The following AGPAT3 variants were observed in gnomAD, a reference collection of about 807,000 sequenced individuals.
AGPAT3 encodes 1-acylglycerol-3-phosphate O-acyltransferase 3, also known as 1-acyl-sn-glycerol-3-phosphate acyltransferase gamma.
Under a neutral mutation model 47.3 loss-of-function variants are expected in AGPAT3, and 5 were observed. The ratio of observed to expected loss-of-function variants is 0.11; its 90% CI spans 0.06 to 0.22. The LOEUF (loss-of-function observed/expected upper bound fraction) is 0.22. Ranked by LOEUF, AGPAT3 falls within the 10% of genes least tolerant of loss-of-function variation. AGPAT3 has a pLI of 1.00. For missense variants in AGPAT3, 315 were observed against 493.0 expected (o/e 0.64, Z 3.42); for synonymous variants, 212 against 208.3 (o/e 1.02, Z -0.15).
Position 43,981,477 on chromosome 21 carries a change from G to A in AGPAT3, c.1042+290G>A, listed in dbSNP as rs1238285978. 3 of 489,534 alleles carry A rather than the reference G, an allele frequency of 6.1e-6. No homozygotes were observed. The highest frequency in any genetic ancestry group is 7.5e-6 in the Non-Finnish European group (2 of 268,324). The allele number at this position is 489,534 out of a possible 1,614,324, so 30.3% of individuals were successfully genotyped here. Reference sequence around the variant, plus strand: ...TGCCGACGAGAGGGTCCCCGAGAGGGTCCCCAGCCCCCCTGTCTGCTTTTG... The same window carrying A: ...TGCCGACGAGAGGGTCCCCGAGAGGATCCCCAGCCCCCCTGTCTGCTTTTG... On this transcript the variant is annotated intron_variant, in intron 9 of 9. Transcript: ENST00000291572. This position sits in a 1 kb window ranked among gnomAD's most constrained non-coding sequence, Gnocchi z 5.3.
chr21:43,877,065 C>T (rs552464958), intron 1 of AGPAT3, among the ~76,000 whole-genome samples: 1 of 152,058 alleles, frequency 6.6e-6, no homozygotes, highest in African/African-American at 2.4e-5. Flanking sequence ...GACCATGTTA[C>T]CCAGGGTGGT....
At chr21:43,893,429 C>A (rs62228699) in intron 1 of AGPAT3, among the ~76,000 whole-genome samples, 1 of 152,140 alleles carries the variant, frequency 6.6e-6, no homozygotes, top group Non-Finnish European at 1.5e-5. Flanking sequence ...TCAGCAATAA[C>A]GCTGTTTCAT....
chr21:43,931,435 C>G (rs1355920078), intron 2 of AGPAT3, among the ~76,000 whole-genome samples: 1 of 152,198 alleles, frequency 6.6e-6, no homozygotes, highest in Non-Finnish European at 1.5e-5. Context: ...CGGTTCTTCT[C>G]TTTTAATATT....
chr21:43,902,703 G>A (rs57481535), intron 1 of AGPAT3, among the ~76,000 whole-genome samples: 16,170 of 152,240 alleles, frequency 0.11, 1,660 homozygotes, highest in African/African-American at 0.27. Flanking sequence ...GGAGGATTTC[G>A]ACGTATGAAT....
chr21:43,870,873 G>C (rs1424856302), intron 1 of AGPAT3, among the ~76,000 whole-genome samples: 2 of 152,306 alleles, frequency 1.3e-5, no homozygotes, highest in African/African-American at 4.8e-5. Flanking sequence ...GGCCTATGAA[G>C]GGGTGGCTGT....
chr21:43,966,715 C>G (rs1320258386), intron 3 of AGPAT3: 2 of 152,240 alleles, frequency 1.3e-5, no homozygotes, highest in African/African-American at 4.8e-5. Context: ...GAATTGGTCT[C>G]TAGTGTCCTT....
At chr21:43,918,076 T>G in intron 2 of AGPAT3, among the ~76,000 whole-genome samples, 1 of 140,932 alleles carries the variant, frequency 7.1e-6, no homozygotes, top group South Asian at 2.4e-4. Context: ...GTTGTGGGTG[T>G]TGTGGGTGTT....
chr21:43,896,130 C>T (rs148304599), intron 1 of AGPAT3, among the ~76,000 whole-genome samples: 2 of 152,222 alleles, frequency 1.3e-5, no homozygotes, highest in Non-Finnish European at 2.9e-5. Context: ...TCTTGAACTC[C>T]TGAGCTCAAG....
chr21:43,982,401 T>A lies in AGPAT3; in HGVS notation c.*9T>A. ...TTAAGAAAAAGGAATAATTAATGGC[T>A]GTGACTGAACACACGCGGCCCTGAC... is the stretch of plus-strand genomic sequence containing the variant. On this transcript the variant is annotated 3_prime_UTR_variant, in exon 10 of 10. Transcript: ENST00000291572. This position sits in a 1 kb window ranked among gnomAD's most constrained non-coding sequence, Gnocchi z 6.2. 1 of 1,605,860 alleles carries A rather than the reference T, an allele frequency of 6.2e-7. No homozygotes were observed. The highest frequency in any genetic ancestry group is 1.3e-5 in the African/African-American group (1 of 74,872).
chr21:43,921,192 G>C (rs748789296), intron 2 of AGPAT3, among the ~76,000 whole-genome samples: 1 of 152,204 alleles, frequency 6.6e-6, no homozygotes, highest in Non-Finnish European at 1.5e-5. Context: ...TTGAACCTGA[G>C]GGGGAGTCAT....
At chr21:43,935,231 G>A (rs921166065) in intron 2 of AGPAT3, among the ~76,000 whole-genome samples, 2 of 152,286 alleles carry the variant, frequency 1.3e-5, no homozygotes, top group East Asian at 1.9e-4. Context: ...ACACTGGGCC[G>A]TGTGGTGGCC....
intron 1 of AGPAT3, among the ~76,000 whole-genome samples, chr21:43,903,058 G>C (rs1342951939): frequency 2.0e-5 from 3 of 152,186 alleles, no homozygotes; most frequent in Non-Finnish European, 2.9e-5. Flanking sequence ...AGTGTCTGTA[G>C]TGGAATATTA....
At chr21:43,894,325 A>G (rs187326430) in intron 1 of AGPAT3, among the ~76,000 whole-genome samples, 1 of 148,820 alleles carries the variant, frequency 6.7e-6, no homozygotes, top group Non-Finnish European at 1.5e-5. Flanking sequence ...TAGCATGATC[A>G]TTTTTTTGGT....
intron 7 of AGPAT3, among the ~76,000 whole-genome samples, chr21:43,972,133 G>A (rs1297807985): frequency 6.7e-6 from 1 of 148,726 alleles, no homozygotes; most frequent in East Asian, 2.0e-4. Context: ...GAAGGGAAAG[G>A]AAGAGCCTGT....
intron 4 of AGPAT3, 63 bp downstream of exon 4, chr21:43,968,178 A>AGT: frequency 3.7e-6 from 4 of 1,076,400 alleles, no homozygotes; most frequent in Admixed American, 2.7e-5. Flanking sequence ...GCCGGGGGTG[A>AGT]GCGGGGACCC....
chr21:43,907,890 G>A (rs753285202), intron 2 of AGPAT3, among the ~76,000 whole-genome samples: 3 of 152,204 alleles, frequency 2.0e-5, no homozygotes, highest in African/African-American at 7.2e-5. Context: ...AAAGCCACAC[G>A]TTTGTCGATT....
At chr21:43,902,774 G>A (rs572288871) in intron 1 of AGPAT3, among the ~76,000 whole-genome samples, 16 of 152,278 alleles carry the variant, frequency 1.1e-4, no homozygotes, top group South Asian at 8.3e-4. Flanking sequence ...CGAGGCAGGC[G>A]GATCACTTGA....
intron 2 of AGPAT3, among the ~76,000 whole-genome samples, chr21:43,957,363 G>C (rs1448783440): frequency 6.6e-6 from 1 of 152,192 alleles, no homozygotes; most frequent in Non-Finnish European, 1.5e-5. Flanking sequence ...AGGCCAGCTG[G>C]TGCCACTCCA....
chr21:43,870,118 G>A (rs1212023311), intron 1 of AGPAT3, among the ~76,000 whole-genome samples: 1 of 152,178 alleles, frequency 6.6e-6, no homozygotes, highest in Non-Finnish European at 1.5e-5. Context: ...TTTAGGAAGC[G>A]AACCACAGCC....
Sources: gnomAD v4.1 joint callset for allele counts (sites outside exome capture counted in the v4.1 genomes callset) on GRCh38, gnomAD v4.1.1 for gene constraint, Gnocchi (gnomAD v3.1) non-coding constraint, MANE v1.5 for transcripts, NCBI Gene and HGNC (gene_info 2026-07-23, HGNC 2026-07-21) for gene names.